Variants in PCDH15 observed in about 807,000 individuals in gnomAD.
PCDH15 encodes the protein protocadherin related 15.
PCDH15 carries 129 observed loss-of-function variants against 178.5 expected under a neutral mutation model. That is an observed-to-expected ratio of 0.72 (90% CI 0.63 to 0.84). The LOEUF is 0.84. Among genes scored for constraint, PCDH15 ranks in the 40% least tolerant of loss-of-function variants. The pLI is 0.00. For synonymous variants in PCDH15, 800 were observed against 732.0 expected (o/e 1.09, Z -1.50); for missense variants, 2,230 against 2,099.9 (o/e 1.06, Z -1.21).
At chr10:53,942,180 C>T (rs2086123255) in intron 23 of PCDH15, among the ~76,000 whole-genome samples, 1 of 152,206 alleles carries the variant, frequency 6.6e-6, no homozygotes, top group Non-Finnish European at 1.5e-5. Context: ...TGAGCAATAA[C>T]TGCTTCTTGC....
rs79500883 is a variant in PCDH15 at position 54,582,033 on chromosome 10, C to T, written c.92-54156G>A. Among the ~76,000 whole-genome samples, 596 of 152,118 alleles carry T rather than the reference C, an allele frequency of 3.9e-3. 5 individuals are homozygous for T. The highest frequency in any genetic ancestry group is 0.02 in the Middle Eastern group (6 of 294). On this transcript the variant is annotated intron_variant, in intron 2 of 37. Transcript: ENST00000644397. ...CTAGGAAAACAATTTATGGCTAAATCCTCAAAATCAATTGCAACAAAAGCA... is the reference window on the plus strand; with the variant it reads ...CTAGGAAAACAATTTATGGCTAAATTCTCAAAATCAATTGCAACAAAAGCA...
intron 3 of PCDH15, among the ~76,000 whole-genome samples, chr10:54,865,800 T>C (rs1953928837): frequency 6.6e-6 from 1 of 152,092 alleles, no homozygotes; most frequent in Non-Finnish European, 1.5e-5. Context: ...CAAAGTAAAG[T>C]CAATCTAATG....
intron 1 of PCDH15, among the ~76,000 whole-genome samples, chr10:54,786,404 C>G (rs1410817515): frequency 1.3e-5 from 2 of 151,926 alleles, no homozygotes; most frequent in Admixed American, 1.3e-4. Context: ...TCCAAAATAA[C>G]AGATAAAAAC....
intron 26 of PCDH15, among the ~76,000 whole-genome samples, chr10:53,899,148 G>GT (rs1350629693): frequency 2.7e-5 from 4 of 149,484 alleles, no homozygotes; most frequent in Non-Finnish European, 5.9e-5. Context: ...TTTTCGGGGG[G>GT]GGGTGGTCTA....
intron 8 of PCDH15, among the ~76,000 whole-genome samples, chr10:54,295,409 C>T (rs901782193): frequency 6.6e-6 from 1 of 152,226 alleles, no homozygotes; most frequent in Non-Finnish European, 1.5e-5. Context: ...CAGCGTCAAC[C>T]TGCTCGGATC....
chr10:54,411,449 A>T (rs985852567), intron 3 of PCDH15, among the ~76,000 whole-genome samples: 1 of 152,230 alleles, frequency 6.6e-6, no homozygotes, highest in African/African-American at 2.4e-5. Flanking sequence ...ATCTAGACTC[A>T]GAATGTGGGG....
chr10:55,231,040 A>T (rs557152789), intron 1 of PCDH15, among the ~76,000 whole-genome samples: 1 of 152,170 alleles, frequency 6.6e-6, no homozygotes, highest in South Asian at 2.1e-4. Context: ...TACTTAAAGA[A>T]TTACATATAA....
At chr10:54,466,458 G>C (rs1385022568) in intron 3 of PCDH15, among the ~76,000 whole-genome samples, 3 of 151,528 alleles carry the variant, frequency 2.0e-5, no homozygotes, top group African/African-American at 4.8e-5. Flanking sequence ...TAGGTTCTTG[G>C]TGTCTTTGTC....
rs555829032 is a variant in PCDH15, at chr10:54,680,103, G to A, written c.-28-15813C>T. Among the ~76,000 whole-genome samples, 67 of 152,226 alleles carry A rather than the reference G, an allele frequency of 4.4e-4. 1 individual carries two copies. In the Middle Eastern group the frequency reaches 0.02, roughly 46 times the overall value. On this transcript the variant is annotated intron_variant, in intron 1 of 37. Transcript: ENST00000644397. ...TTTGCTCATTTGTAAGAGGAGGTTA[G>A]GTTTCTTCCCCCAGGATAAAAGGGA...
intron 26 of PCDH15, among the ~76,000 whole-genome samples, chr10:53,888,961 G>C (rs2081368912): frequency 6.7e-6 from 1 of 150,106 alleles, no homozygotes; most frequent in Non-Finnish European, 1.5e-5. Flanking sequence ...ACGTCAAGTA[G>C]AGTGGAGAAA....
At chr10:54,089,070 G>T (rs11597389) in intron 16 of PCDH15, among the ~76,000 whole-genome samples, 30,431 of 152,096 alleles carry the variant, frequency 0.2, 3,319 homozygotes, top group Non-Finnish European at 0.25. Context: ...GGAAAACACT[G>T]TTCTTGTCTA....
chr10:54,518,445 A>C lies in PCDH15; in HGVS notation c.157+9367T>G, dbSNP rs1170386118. Among the ~76,000 whole-genome samples, 15 of 152,310 alleles carry C rather than the reference A, an allele frequency of 9.8e-5. No individual in the cohort carries two copies. The East Asian group carries it at 2.9e-3, about 29-fold the overall frequency. On this transcript the variant is annotated intron_variant, in intron 3 of 37. Transcript: ENST00000644397. Reference sequence around the variant, plus strand: ...ATACTACAAACACCTCTACGCAAATAAACTGGAAAATCTAGAAGAAATGGA... The same window carrying C: ...ATACTACAAACACCTCTACGCAAATCAACTGGAAAATCTAGAAGAAATGGA...
At chr10:55,563,730 A>T (rs1842246522) in intron 2 of PCDH15, among the ~76,000 whole-genome samples, 1 of 151,898 alleles carries the variant, frequency 6.6e-6, no homozygotes, top group Non-Finnish European at 1.5e-5. Flanking sequence ...AAAGGAAAGC[A>T]TACAGAAAGT....
intron 13 of PCDH15, among the ~76,000 whole-genome samples, chr10:54,156,551 A>G (rs932077183): frequency 6.6e-6 from 1 of 152,080 alleles, no homozygotes; most frequent in Non-Finnish European, 1.5e-5. Flanking sequence ...TGATTCAATT[A>G]CCTCCCACTG....
intron 18 of PCDH15, among the ~76,000 whole-genome samples, chr10:54,040,031 A>C (rs1288273805): frequency 6.6e-6 from 1 of 152,074 alleles, no homozygotes; most frequent in Admixed American, 6.6e-5. Flanking sequence ...TTTATTAATG[A>C]GTTATTTTGT....
chr10:53,883,418 ATC>A (rs2080874004), intron 26 of PCDH15, among the ~76,000 whole-genome samples: 2 of 152,094 alleles, frequency 1.3e-5, no homozygotes, highest in Non-Finnish European at 2.9e-5. Context: ...TCTTTGCATC[ATC>A]ATCTCCTTTT....
rs752635201 is a variant in PCDH15 at position 53,807,012 on chromosome 10, C to T, written c.4790G>A (p.Ser1597Asn). ...AATATATATATTGCCGTTGATATTA[C>T]TGTGGATACTAGGATGGTGAAGACG... ...RNRLHHPSIH[S>N]NINGNIYIAQ... Residue 1597 changes from serine to asparagine, a missense_variant, in exon 38 of 38, where the codon AGT (serine) becomes AAT (asparagine). Coordinates refer to ENST00000644397, the MANE Select transcript of PCDH15 (RefSeq NM_001384140.1). 4.7e-5 allele frequency: 76 copies of T among 1,613,588 alleles called. No individual in the cohort carries two copies. Among genetic ancestry groups the T allele is most frequent in the Non-Finnish European group, 6.4e-5 (76 of 1,179,800 alleles).
intron 2 of PCDH15, among the ~76,000 whole-genome samples, chr10:55,149,056 T>C (rs942298638): frequency 4.0e-5 from 6 of 151,330 alleles, no homozygotes; most frequent in African/African-American, 1.5e-4. Context: ...GCTTTTGACA[T>C]TAAATCTCAA....
At chr10:55,044,069 A>C (rs1030057374) in intron 2 of PCDH15, among the ~76,000 whole-genome samples, 1 of 152,162 alleles carries the variant, frequency 6.6e-6, no homozygotes, top group Non-Finnish European at 1.5e-5. Flanking sequence ...CCCTCTGATC[A>C]GACATCTTGG....
Sources: gnomAD v4.1 joint callset for allele counts (sites outside exome capture counted in the v4.1 genomes callset) on GRCh38, gnomAD v4.1.1 for gene constraint, MANE v1.5 for transcripts, NCBI Gene and HGNC (gene_info 2026-07-23, HGNC 2026-07-21) for gene names.